TARS3: variants seen among roughly 807,000 people sequenced by gnomAD.
The protein encoded by TARS3 is threonyl-tRNA synthetase 3.
A neutral mutation model predicts 103.5 loss-of-function variants in TARS3; 94 were observed. That is an observed-to-expected ratio of 0.91 (90% confidence interval 0.77 to 1.08). The LOEUF (loss-of-function observed/expected upper bound fraction) is 1.08. Among genes scored for constraint, TARS3 ranks in the 50% least tolerant of loss-of-function variants. The pLI, the probability that TARS3 is intolerant of heterozygous loss-of-function variation, is 0.00. For missense variants in TARS3, 952 were observed against 995.2 expected (o/e 0.96, Z 0.58); for synonymous variants, 416 against 355.4 (o/e 1.17, Z -1.92).
intron 12 of TARS3, among the ~76,000 whole-genome samples, chr15:101,680,705 C>G (rs1275735039): frequency 6.6e-6 from 1 of 152,090 alleles, no homozygotes; most frequent in Non-Finnish European, 1.5e-5. Context: ...GATTCAAGTC[C>G]TTTATTTGAT....
At chr15:101,680,914 T>C (rs1426195121) in intron 12 of TARS3, among the ~76,000 whole-genome samples, 2 of 152,210 alleles carry the variant, frequency 1.3e-5, no homozygotes, top group Non-Finnish European at 2.9e-5. Context: ...ATTTTTATTC[T>C]AGAAGTTTTG....
intron 10 of TARS3, among the ~76,000 whole-genome samples, chr15:101,699,716 G>A (rs1384817659): frequency 6.6e-6 from 1 of 152,162 alleles, no homozygotes; most frequent in Non-Finnish European, 1.5e-5. Flanking sequence ...TACCCCAGGT[G>A]ATAGAATACA....
At chr15:101,687,339 G>A (rs533383718) in intron 10 of TARS3, among the ~76,000 whole-genome samples, 59 of 152,222 alleles carry the variant, frequency 3.9e-4, no homozygotes, top group African/African-American at 1.4e-3. Flanking sequence ...GGAGGCAGAG[G>A]TTGCAGTGAG....
Position 101,718,187 on chromosome 15 carries a change from G to A in TARS3, c.566+2939C>T, listed in dbSNP as rs181590159. ...AGTTCGAGACCAGCCTGACTAACAT[G>A]GAGAAACGCCATCCTTACTAAAAAT... On this transcript the variant is annotated intron_variant, in intron 3 of 18. Transcript: ENST00000335968. Among the ~76,000 whole-genome samples the A allele has an allele frequency of 7.9e-5, 12 of 152,212 alleles. No individual in the cohort carries two copies. In the East Asian group the frequency reaches 1.5e-3, roughly 20 times the overall value.
intron 16 of TARS3, among the ~76,000 whole-genome samples, chr15:101,658,197 T>A (rs533518680): frequency 6.6e-6 from 1 of 150,904 alleles, no homozygotes; most frequent in Non-Finnish European, 1.5e-5. Context: ...CTAACGTCCA[T>A]AGCAGCTTTA....
chr15:101,719,591 G>A (rs1197139679), intron 3 of TARS3, among the ~76,000 whole-genome samples: 2 of 152,210 alleles, frequency 1.3e-5, no homozygotes, highest in Non-Finnish European at 2.9e-5. Context: ...GCTAGGCATA[G>A]CCATGTGACT....
chr15:101,681,549 A>G (rs1027014586), intron 12 of TARS3, among the ~76,000 whole-genome samples: 26 of 152,222 alleles, frequency 1.7e-4, no homozygotes, highest in Non-Finnish European at 5.9e-5. Context: ...TGGCTTAAAT[A>G]AGAATCATTT....
intron 10 of TARS3, among the ~76,000 whole-genome samples, chr15:101,697,030 G>A (rs755678753): frequency 1.3e-5 from 2 of 152,136 alleles, no homozygotes; most frequent in Non-Finnish European, 2.9e-5. Context: ...GTATATAAAT[G>A]TCCCCCCTTT....
intron 3 of TARS3, among the ~76,000 whole-genome samples, chr15:101,719,339 G>T (rs969068618): frequency 1.3e-5 from 2 of 152,194 alleles, no homozygotes; most frequent in African/African-American, 2.4e-5. Context: ...GATGGGGGGT[G>T]TTCTGTACAT....
chr15:101,697,169 A>C (rs1201699526), intron 10 of TARS3, among the ~76,000 whole-genome samples: 1 of 152,186 alleles, frequency 6.6e-6, no homozygotes, highest in African/African-American at 2.4e-5. Context: ...GAAGCTATGA[A>C]GCTTCCTAGC....
intron 10 of TARS3, among the ~76,000 whole-genome samples, chr15:101,698,299 C>T (rs1245302662): frequency 6.6e-6 from 1 of 151,796 alleles, no homozygotes; most frequent in Non-Finnish European, 1.5e-5. Flanking sequence ...CGCCACTGCA[C>T]TCCAACCTGG....
Position 101,724,165 on chromosome 15 carries a change from G to C in TARS3, c.223C>G (p.Leu75Val), listed in dbSNP as rs772795932. The C allele has an allele frequency of 6.7e-7, 1 of 1,488,054 alleles. No homozygotes were observed. 92.2% of individuals were successfully genotyped at this position (1,488,054 alleles called of 1,614,324 possible). ...RHRLCSLRLC[L>V]AEERSRQATL... Reference sequence around the variant, plus strand: ...GCCTGGCGGCTCCGCTCCTCGGCGAGGCACAGCCGCAGGCTGCACAGGCGG... The same window carrying C: ...GCCTGGCGGCTCCGCTCCTCGGCGACGCACAGCCGCAGGCTGCACAGGCGG... The change falls in exon 1 of 19, where the codon CTC (leucine) becomes GTC (valine). Residue 75 changes from leucine (L) to valine (V), a missense_variant. Around this residue, in one of 2 missense-constraint regions of TARS3, gnomAD observed 412 missense variants for 364.2 expected, o/e 1.13. Transcript: ENST00000335968.
chr15:101,690,630 C>T (rs185345841), intron 10 of TARS3, among the ~76,000 whole-genome samples: 135 of 152,290 alleles, frequency 8.9e-4, no homozygotes, highest in African/African-American at 2.9e-3. Flanking sequence ...AGTTAGTATG[C>T]ATAGATGTAT....
At position 101,668,756 on chromosome 15, in the gene TARS3, G is replaced by A. The variant is rs143761044; in HGVS notation, c.1967+2730C>T. ...CTGGCCAACAACAGAGCACATACAT[G>A]ACAGTGGTCCAGTAAGATTATAATG... On this transcript the variant is annotated intron_variant, in intron 15 of 18. Coordinates refer to ENST00000335968, the MANE Select transcript of TARS3 (RefSeq NM_152334.3). 1.1e-4 allele frequency among the ~76,000 whole-genome samples: 16 copies of A among 152,298 alleles called. No individual in the cohort carries two copies. In the South Asian group the frequency reaches 2.7e-3, roughly 26 times the overall value.
At chr15:101,655,920 G>A in intron 18 of TARS3, 1 of 1,289,248 alleles carries the variant, frequency 7.8e-7, no homozygotes. Context: ...AGAACTTTCT[G>A]GAATGTGGGT....
intron 5 of TARS3, among the ~76,000 whole-genome samples, chr15:101,710,058 G>A (rs1899782028): frequency 6.6e-6 from 1 of 152,222 alleles, no homozygotes; most frequent in South Asian, 2.1e-4. Context: ...TAGGGGAAAG[G>A]AGAGGGGCTA....
chr15:101,720,508 T>G (rs1019468125), intron 3 of TARS3, among the ~76,000 whole-genome samples: 1 of 152,216 alleles, frequency 6.6e-6, no homozygotes, highest in East Asian at 1.9e-4. Context: ...TAAAATGGCC[T>G]ATCAAGAATT....
At chr15:101,675,769 G>A in intron 12 of TARS3, 32 bp from the exon 13 acceptor site, 1 of 1,586,722 alleles carries the variant, frequency 6.3e-7, no homozygotes, top group Non-Finnish European at 8.6e-7. Context: ...CATTCAAATA[G>A]AACATCAAAT....
chr15:101,676,573 A>ACTGCAACCTCTGCCTCT (rs1898033650), intron 12 of TARS3, among the ~76,000 whole-genome samples: 1 of 152,120 alleles, frequency 6.6e-6, no homozygotes, highest in Non-Finnish European at 1.5e-5. Context: ...GTCTTGGCTC[A>ACTGCAACCTCTGCCTCT]CTGCAACCTC....
Sources: allele counts gnomAD v4.1 joint callset (sites outside exome capture counted in the v4.1 genomes callset), GRCh38; gene constraint gnomAD v4.1.1; regional missense constraint gnomAD v4.1.1; transcripts MANE v1.5; gene names NCBI Gene and HGNC (gene_info 2026-07-23, HGNC 2026-07-21).